Variants in VPS13C observed in about 807,000 individuals in gnomAD.
VPS13C encodes intermembrane lipid transfer protein VPS13C.
In VPS13C, 358 loss-of-function variants were observed where a neutral mutation model predicts 456.8. The ratio of observed to expected loss-of-function variants is 0.78; its 90% CI spans 0.72 to 0.86. The LOEUF (loss-of-function observed/expected upper bound fraction) is 0.86. Ranked by LOEUF, VPS13C falls within the 40% of genes least tolerant of loss-of-function variation. VPS13C has a pLI of 0.00. For synonymous variants in VPS13C, 1,578 were observed against 1,486.7 expected, an observed-to-expected ratio of 1.06 and a Z score of -1.41; for missense variants, 4,818 against 4,385.4, an observed-to-expected ratio of 1.10 and a Z score of -2.79.
chr15:62,007,406 T>C lies in VPS13C; in HGVS notation c.1192A>G (p.Ile398Val). 1.9e-6 allele frequency: 3 copies of C among 1,613,150 alleles called. No individual in the cohort carries two copies. The highest frequency in any genetic ancestry group is 2.5e-6 in the Non-Finnish European group (3 of 1,179,570). Reference sequence around the variant, plus strand: ...TTGAGTAACTGCCTGTGCTTTTTTATGTTACTCCATGACCACATCTGTGTA... The same window carrying C: ...TTGAGTAACTGCCTGTGCTTTTTTACGTTACTCCATGACCACATCTGTGTA... ...RYTQMWSWSNIKKHRQLLKSY... is the reference protein window; with the variant it reads ...RYTQMWSWSNVKKHRQLLKSY... The change falls in exon 15 of 85, where the codon ATA (isoleucine) becomes GTA (valine). Residue 398 changes from isoleucine to valine, a missense_variant. Transcript: ENST00000644861.
chr15:61,875,574 C>A (rs574430089), intron 76 of VPS13C, among the ~76,000 whole-genome samples, 158 bp downstream of exon 76: 32 of 152,044 alleles, frequency 2.1e-4, no homozygotes, highest in Non-Finnish European at 3.1e-4. Context: ...AATGTTATCT[C>A]ATGTACCTTT....
intron 47 of VPS13C, among the ~76,000 whole-genome samples, chr15:61,939,677 C>T (rs1370351105): frequency 6.6e-6 from 1 of 152,158 alleles, no homozygotes; most frequent in Non-Finnish European, 1.5e-5. Flanking sequence ...AGCTGATATG[C>T]AACCTTCTAG....
chr15:61,989,412 CAG>C (rs1390024334), intron 18 of VPS13C, among the ~76,000 whole-genome samples: 2 of 151,306 alleles, frequency 1.3e-5, no homozygotes, highest in African/African-American at 4.9e-5. Flanking sequence ...AAAAAAAAAA[CAG>C]AGAATGAAAA....
At position 61,963,817 on chromosome 15, in the gene VPS13C, T is replaced by A; in HGVS notation, c.3331+18A>T. 1 of 1,556,280 alleles carries A rather than the reference T, an allele frequency of 6.4e-7. No homozygotes were observed. Among genetic ancestry groups the A allele is most frequent in the Non-Finnish European group, 8.8e-7 (1 of 1,131,442 alleles). On this transcript the variant is annotated intron_variant, in intron 32 of 84. Coordinates refer to ENST00000644861, the MANE Select transcript of VPS13C (RefSeq NM_020821.3). The stretch of plus-strand genomic sequence containing the variant: ...AGTTTATCTTTTCGCCAATTTTCAA[T>A]GCCGTGTGAACTTTTACCTTGAATC...
In VPS13C at chr15:61,931,186, C is replaced by G. The variant is rs1470609193; in HGVS notation, c.5942G>C (p.Gly1981Ala). 1 of 1,614,092 alleles carries G rather than the reference C, an allele frequency of 6.2e-7. No individual in the cohort carries two copies. The highest frequency in any genetic ancestry group is 1.7e-5 in the Admixed American group (1 of 60,022). Reference protein sequence around the residue: ...ELRLHLMASSGKMFKDGSMNV... With the variant: ...ELRLHLMASSAKMFKDGSMNV... ...CATTGAGCCATCCTTAAACATCTTC[C>G]CTGAGGAGGCCATAAGATGTAGTCT... The change falls in exon 50 of 85, where the codon GGG (glycine) becomes GCG (alanine). Residue 1981 changes from glycine to alanine, a missense_variant. Physicochemically the swap from Gly to Ala is moderately conservative, Grantham distance 60. Coordinates refer to ENST00000644861, the MANE Select transcript of VPS13C (RefSeq NM_020821.3).
chr15:61,991,145 T>A, intron 17 of VPS13C, 51 bp from the exon 18 acceptor site: 2 of 1,390,920 alleles, frequency 1.4e-6, no homozygotes, highest in Non-Finnish European at 2.0e-6. Context: ...TTTACAAATA[T>A]AACTAAAAAG....
rs542642460 is a variant in VPS13C at position 61,865,789 on chromosome 15, T to C, written c.10864-2261A>G. On this transcript the variant is annotated intron_variant, in intron 81 of 84. Coordinates refer to ENST00000644861, the MANE Select transcript of VPS13C (RefSeq NM_020821.3). ...ACGTGTGTATATATGTATGTGTATA[T>C]ATATGTGTGTGTGTATATATATATG... is the stretch of plus-strand genomic sequence containing the variant. 463 of 754,878 alleles carry C rather than the reference T, an allele frequency of 6.1e-4. 1 individual carries two copies. The African/African-American group carries it at 0.01, about 17-fold the overall frequency. 46.8% of individuals were successfully genotyped at this position (754,878 alleles called of 1,614,324 possible).
chr15:61,951,519 CTATA>C (rs1330303349), intron 39 of VPS13C, among the ~76,000 whole-genome samples: 1 of 151,956 alleles, frequency 6.6e-6, no homozygotes, highest in Non-Finnish European at 1.5e-5. Flanking sequence ...ATTTTTTCCT[CTATA>C]TACTTTTGTA....
At chr15:61,916,060 A>C in intron 60 of VPS13C, 38 bp from the exon 61 acceptor site, 1 of 1,519,452 alleles carries the variant, frequency 6.6e-7, no homozygotes, top group Non-Finnish European at 8.8e-7. Context: ...AACTTTTTAA[A>C]AACTCTGAAA....
rs141762678 is a variant in VPS13C, at chr15:61,920,281, T to C, written c.7263A>G (p.Arg2421=). The part of the protein sequence containing the change: ...ASTFDYSLKD[R]APFTVKNAVG... ...CAGCATTTTTTACCGTAAAAGGAGCTCTGTCCTTTAAAGAGTAGTCAAAAG... is the reference window on the plus strand; with the variant it reads ...CAGCATTTTTTACCGTAAAAGGAGCCCTGTCCTTTAAAGAGTAGTCAAAAG... The change falls in exon 57 of 85, where the codon AGA becomes AGG. Residue 2421 remains arginine (R), a synonymous_variant. Transcript: ENST00000644861. 1 of 1,612,994 alleles carries C rather than the reference T, an allele frequency of 6.2e-7. No homozygotes were observed. The highest frequency in any genetic ancestry group is 1.3e-5 in the African/African-American group (1 of 75,006).
chr15:61,949,807 T>C (rs1311113399), intron 41 of VPS13C, among the ~76,000 whole-genome samples: 1 of 152,196 alleles, frequency 6.6e-6, no homozygotes, highest in Non-Finnish European at 1.5e-5. Context: ...CACTCCCATG[T>C]GCAACCACAA....
At chr15:62,006,298 C>T (rs1277764501) in intron 15 of VPS13C, among the ~76,000 whole-genome samples, 1 of 152,064 alleles carries the variant, frequency 6.6e-6, no homozygotes, top group Non-Finnish European at 1.5e-5. Flanking sequence ...TGTTCCCCTT[C>T]CTGTGTCCAT....
chr15:61,891,497 G>GT (rs2042649690), intron 66 of VPS13C, among the ~76,000 whole-genome samples: 1 of 152,124 alleles, frequency 6.6e-6, no homozygotes, highest in African/African-American at 2.4e-5. Flanking sequence ...GGTGAATTCT[G>GT]TATCTGTAAA....
rs1446554818 is a variant in VPS13C at position 61,966,133 on chromosome 15, T to G, written c.3001A>C (p.Asn1001His). Residue 1001 changes from asparagine (N) to histidine (H), a missense_variant, in exon 30 of 85, where the codon AAT becomes CAT. By Grantham distance (68) the Asn-to-His change is moderately conservative. Around this residue, in one of 3 missense-constraint regions of VPS13C, gnomAD observed 4,552 missense variants for 4,130.6 expected, o/e 1.10. Transcript: ENST00000644861. ...AAAGCAGTTTGAAAACTAGGTCCAT[T>G]CTTATCAGCCTGAAAAAAGAAGTAA... ...LKVEYIKADK[N>H]GPSFQTAFGK... 1 of 1,604,378 alleles carries G rather than the reference T, an allele frequency of 6.2e-7. No individual in the cohort carries two copies. The highest frequency in any genetic ancestry group is 2.3e-5 in the East Asian group (1 of 44,444).
At position 61,858,358 on chromosome 15, in the gene VPS13C, C is replaced by A. The variant is rs539966202; in HGVS notation, c.10953-1949G>T. Reference sequence around the variant, plus strand: ...TCTATCTATCTATCTATCTATCTATCTATCTGTCTATCTATCTCCCTCCCT... The same window carrying A: ...TCTATCTATCTATCTATCTATCTATATATCTGTCTATCTATCTCCCTCCCT... On this transcript the variant is annotated intron_variant, in intron 82 of 84. Transcript: ENST00000644861. This position sits in a 1 kb window ranked among gnomAD's most constrained non-coding sequence, Gnocchi z 4.4. Among the ~76,000 whole-genome samples the A allele has an allele frequency of 1.4e-5, 2 of 144,090 alleles. No individual in the cohort carries two copies. Among genetic ancestry groups the A allele is most frequent in the East Asian group, 4.1e-4 (2 of 4,868 alleles). The allele number at this position is 144,090 out of a possible 152,430, so 94.5% of individuals were successfully genotyped here.
chr15:61,867,837 T>G lies in VPS13C; in HGVS notation c.10863+822A>C. The G allele has an allele frequency of 6.5e-7, 1 of 1,549,906 alleles. No homozygotes were observed. Among genetic ancestry groups the G allele is most frequent in the Non-Finnish European group, 8.7e-7 (1 of 1,150,064 alleles). Reference sequence around the variant, plus strand: ...AGTTTTAAAGAAAATTTCATTAAAATTGACAATGGAATTCACACACAGTCA... The same window carrying G: ...AGTTTTAAAGAAAATTTCATTAAAAGTGACAATGGAATTCACACACAGTCA... On this transcript the variant is annotated intron_variant, in intron 81 of 84. Transcript: ENST00000644861. This position sits in a 1 kb window ranked among gnomAD's most constrained non-coding sequence, Gnocchi z 5.0.
Position 61,873,404 on chromosome 15 carries a change from C to T in VPS13C, c.10420G>A (p.Ala3474Thr), listed in dbSNP as rs2140882080. 6.2e-7 allele frequency: 1 copy of T among 1,613,382 alleles called. No homozygotes were observed. The highest frequency in any genetic ancestry group is 8.5e-7 in the Non-Finnish European group (1 of 1,179,598). ...GTGATTCGAGATACAACTCCTGCTG[C>T]ACCACCTATCAAAGACAAGGGATTA... is the stretch of plus-strand genomic sequence containing the variant. Reference protein sequence around the residue: ...RSLFGHTVGGAAGVVSRITGS... With the variant: ...RSLFGHTVGGTAGVVSRITGS... Residue 3474 changes from alanine (A) to threonine (T), a missense_variant, in exon 78 of 85, where the codon GCA becomes ACA. By Grantham distance (58) the Ala-to-Thr change is moderately conservative. Coordinates refer to ENST00000644861, the MANE Select transcript of VPS13C (RefSeq NM_020821.3).
chr15:61,960,946 T>C (rs2045176834), intron 35 of VPS13C, among the ~76,000 whole-genome samples: 1 of 150,950 alleles, frequency 6.6e-6, no homozygotes, highest in African/African-American at 2.4e-5. Flanking sequence ...CCAGGCATGA[T>C]GGCACGTGCC....
rs537821191 is a variant in VPS13C at position 61,902,306 on chromosome 15, A to G, written c.9105+4958T>C. Among the ~76,000 whole-genome samples, 25 of 150,232 alleles carry G rather than the reference A, an allele frequency of 1.7e-4. 1 individual carries two copies. In the South Asian group the frequency reaches 5.3e-3, roughly 32 times the overall value. ...AAAAAAAAAAATTAAAAGTGTTTAA[A>G]AAAAAATGAACTAATAACCATTCTA... is the stretch of plus-strand genomic sequence containing the variant. On this transcript the variant is annotated intron_variant, in intron 66 of 84. Transcript: ENST00000644861.
Sources: gnomAD v4.1 joint callset for allele counts (sites outside exome capture counted in the v4.1 genomes callset) on GRCh38, gnomAD v4.1.1 for gene constraint, gnomAD v4.1.1 regional missense constraint, Gnocchi (gnomAD v3.1) non-coding constraint, MANE v1.5 for transcripts, NCBI Gene and HGNC (gene_info 2026-07-23, HGNC 2026-07-21) for gene names.